The following ABCC9 variants were observed in gnomAD, a reference collection of about 807,000 sequenced individuals.
The protein encoded by ABCC9 is ATP-binding cassette sub-family C member 9.
Under a neutral mutation model 188.3 loss-of-function variants are expected in ABCC9, and 95 were observed. That is an observed-to-expected ratio of 0.50 (90% CI 0.43 to 0.60). The LOEUF (loss-of-function observed/expected upper bound fraction) is 0.60. ABCC9 is among the 20% of genes least tolerant of loss of function. The pLI is 0.00. For synonymous variants in ABCC9, 659 were observed against 652.7 expected, an observed-to-expected ratio of 1.01 and a Z score of -0.15; for missense variants, 1,102 against 1,876.3, an observed-to-expected ratio of 0.59 and a Z score of 7.62.
chr12:21,927,998 T>C (rs1949108838), intron 4 of ABCC9, among the ~76,000 whole-genome samples: 1 of 152,038 alleles, frequency 6.6e-6, no homozygotes, highest in Non-Finnish European at 1.5e-5. Flanking sequence ...GGTGGGCGGA[T>C]CACTCGAGGC....
At chr12:21,865,174 T>G (rs1945720023) in intron 18 of ABCC9, among the ~76,000 whole-genome samples, 1 of 152,092 alleles carries the variant, frequency 6.6e-6, no homozygotes, top group Non-Finnish European at 1.5e-5. Flanking sequence ...ATTACAGACG[T>G]GAATTCAATA....
chr12:21,867,216 T>G (rs1275962453), intron 18 of ABCC9, among the ~76,000 whole-genome samples: 3 of 152,180 alleles, frequency 2.0e-5, no homozygotes, highest in Non-Finnish European at 4.4e-5. Flanking sequence ...GACTACCTAT[T>G]CCGGCCCTCT....
At chr12:21,891,118 C>T (rs769370935) in intron 14 of ABCC9, among the ~76,000 whole-genome samples, 11 of 152,132 alleles carry the variant, frequency 7.2e-5, no homozygotes, top group Non-Finnish European at 1.3e-4. Context: ...AGTTTCCCTT[C>T]CTGGTCTGTC....
chr12:21,811,838 A>C (rs1399460201), intron 36 of ABCC9, among the ~76,000 whole-genome samples: 1 of 152,138 alleles, frequency 6.6e-6, no homozygotes, highest in Non-Finnish European at 1.5e-5. Context: ...ATAGAATCAA[A>C]CTGAAAGGGA....
intron 4 of ABCC9, among the ~76,000 whole-genome samples, chr12:21,932,125 G>A (rs1317019620): frequency 2.6e-5 from 4 of 151,926 alleles, no homozygotes; most frequent in African/African-American, 9.7e-5. Flanking sequence ...ACACCATTTA[G>A]CATAATTTCA....
chr12:21,897,741 C>A (rs538575918), intron 12 of ABCC9, among the ~76,000 whole-genome samples: 1 of 152,274 alleles, frequency 6.6e-6, no homozygotes, highest in East Asian at 1.9e-4. Flanking sequence ...AATTTTGCTC[C>A]ATTGACTCAA....
At chr12:21,820,330 T>C (rs1565699254) in intron 31 of ABCC9, among the ~76,000 whole-genome samples, 1 of 152,024 alleles carries the variant, frequency 6.6e-6, no homozygotes, top group Non-Finnish European at 1.5e-5. Flanking sequence ...GGTACTTCTT[T>C]CATTAACTTC....
At chr12:21,909,815 T>A (rs1355082922) in intron 10 of ABCC9, among the ~76,000 whole-genome samples, 2 of 151,922 alleles carry the variant, frequency 1.3e-5, no homozygotes, top group African/African-American at 4.8e-5. Context: ...ATGCTAGATG[T>A]TATAGACATA....
intron 30 of ABCC9, 54 bp from the exon 31 acceptor site, chr12:21,829,114 A>G (rs2137273443): frequency 7.8e-7 from 1 of 1,284,470 alleles, no homozygotes; most frequent in Non-Finnish European, 1.1e-6. Flanking sequence ...GTAATAAGAA[A>G]CAGTCACACT....
chr12:21,898,380 C>G (rs1323600302), intron 12 of ABCC9, among the ~76,000 whole-genome samples: 1 of 152,132 alleles, frequency 6.6e-6, no homozygotes, highest in African/African-American at 2.4e-5. Flanking sequence ...GGGTCACCAA[C>G]TTAGAGTAGT....
At chr12:21,915,576 A>C in intron 7 of ABCC9, 92 bp downstream of exon 7, 3 of 1,416,914 alleles carry the variant, frequency 2.1e-6, no homozygotes, top group Non-Finnish European at 2.9e-6. Flanking sequence ...GCAGTGGCCC[A>C]ATCCTGGCTC....
chr12:21,864,323 A>T, intron 19 of ABCC9, 116 bp downstream of exon 19: 1 of 805,974 alleles, frequency 1.2e-6, no homozygotes, highest in Non-Finnish European at 2.1e-6. Context: ...GAAATATGCT[A>T]GCACACTTTA....
chr12:21,841,242 T>A lies in ABCC9; in HGVS notation c.3473+1072A>T, dbSNP rs139966719. 2.8e-3 allele frequency among the ~76,000 whole-genome samples: 420 copies of A among 152,266 alleles called. 2 individuals carry two copies. Among genetic ancestry groups the A allele is most frequent in the African/African-American group, 9.9e-3 (413 of 41,578 alleles). ...ACAGCTGGTATTATATTTCATTTAT[T>A]CAACATCTCAGTAAATGACAAATCC... On this transcript the variant is annotated intron_variant, in intron 29 of 39. Coordinates refer to ENST00000261200, the MANE Select transcript of ABCC9 (RefSeq NM_020297.4).
chr12:21,907,197 A>C (rs1318188343), intron 11 of ABCC9, among the ~76,000 whole-genome samples: 2 of 152,068 alleles, frequency 1.3e-5, no homozygotes, highest in Admixed American at 6.6e-5. Context: ...GAATCATCAT[A>C]TCTCTCCTAA....
Position 21,906,120 on chromosome 12 carries a change from A to G in ABCC9, c.1618+6T>C, listed in dbSNP as rs769869371. ...GTCGCCTGTTCTTAGAGCAACAGCA[A>G]CTTACTGGAGAGTGATGTATATAGT... On this transcript the variant is annotated splice_donor_region_variant and intron_variant, in intron 12 of 39. Transcript: ENST00000261200. 6.2e-6 allele frequency: 10 copies of G among 1,612,796 alleles called. No individual in the cohort carries two copies. The highest frequency in any genetic ancestry group is 1.7e-5 in the Admixed American group (1 of 59,928).
rs913357928 is a variant in ABCC9, at chr12:21,907,423, G to A, written c.1455+654C>T. ...ACATTTTATGCCTGATTTACAGACA[G>A]CCTTGCTCATATTTAATCAAACTTT... On this transcript the variant is annotated intron_variant, in intron 11 of 39. Transcript: ENST00000261200. Among the ~76,000 whole-genome samples the A allele has an allele frequency of 3.3e-5, 5 of 152,046 alleles. No individual in the cohort carries two copies. In the South Asian group the frequency reaches 8.3e-4, roughly 25 times the overall value.
At chr12:21,818,870 T>C (rs1214239775) in intron 31 of ABCC9, among the ~76,000 whole-genome samples, 2 of 152,120 alleles carry the variant, frequency 1.3e-5, no homozygotes, top group African/African-American at 2.4e-5. Flanking sequence ...ACAATTACTT[T>C]GGCTCCAACC....
intron 35 of ABCC9, 77 bp downstream of exon 35, chr12:21,814,567 T>A (rs1377742510): frequency 8.1e-7 from 1 of 1,237,226 alleles, no homozygotes; most frequent in Admixed American, 1.7e-5. Flanking sequence ...TTTTGATTTC[T>A]GCAGGATTAG....
chr12:21,852,155 A>G lies in ABCC9; in HGVS notation c.2711T>C (p.Val904Ala), dbSNP rs1945001931. Residue 904 changes from valine (V) to alanine (A), a missense_variant, in exon 24 of 40, where the codon GTT becomes GCT. Coordinates refer to ENST00000261200, the MANE Select transcript of ABCC9 (RefSeq NM_020297.4). The stretch of plus-strand genomic sequence containing the variant: ...TGTTTTCCAGTGTTCATAAAGCTCA[A>G]CATCTTTGGTTTGAATGTCCTTCAA... Reference protein sequence around the residue: ...GTLKDIQTKDVELYEHWKTLM... With the variant: ...GTLKDIQTKDAELYEHWKTLM... 7 of 1,613,706 alleles carry G rather than the reference A, an allele frequency of 4.3e-6. No individual in the cohort carries two copies. The highest frequency in any genetic ancestry group is 5.9e-6 in the Non-Finnish European group (7 of 1,179,922).
Sources: gnomAD v4.1 joint callset for allele counts (sites outside exome capture counted in the v4.1 genomes callset) on GRCh38, gnomAD v4.1.1 for gene constraint, MANE v1.5 for transcripts, NCBI Gene and HGNC (gene_info 2026-07-23, HGNC 2026-07-21) for gene names.